The following TTLL11 variants were observed in gnomAD, a reference collection of about 807,000 sequenced individuals.
TTLL11 encodes tubulin polyglutamylase TTLL11.
In TTLL11, 42 loss-of-function variants were observed where a neutral mutation model predicts 51.7. The observed-to-expected ratio is 0.81, with a 90% CI of 0.64 to 1.05. The LOEUF is 1.05. Among genes scored for constraint, TTLL11 ranks in the 50% least tolerant of loss-of-function variants. The probability of loss-of-function intolerance (pLI) is 0.00; values close to 1 mark genes in which losing one functional copy is unlikely to be tolerated. For synonymous variants in TTLL11, 381 were observed against 383.5 expected (o/e 0.99, Z 0.08); for missense variants, 799 against 940.4 (o/e 0.85, Z 1.97).
chr9:121,853,384 GC>G lies in TTLL11; in HGVS notation c.1840+6952del, dbSNP rs978338991. 2.3e-4 allele frequency among the ~76,000 whole-genome samples: 35 copies of G among 151,642 alleles called. 1 individual carries two copies. Among genetic ancestry groups the G allele is most frequent in the Admixed American group, 2.0e-3 (31 of 15,250 alleles). ...TGCGGAGCAGGTGAGACGGTACTGGGCCCAGCCTGAGCACTGGGGGAGGCTC... is the reference window on the plus strand; with the variant it reads ...TGCGGAGCAGGTGAGACGGTACTGGGCCAGCCTGAGCACTGGGGGAGGCTC... On this transcript the variant is annotated intron_variant, in intron 8 of 8. Coordinates refer to ENST00000321582, the MANE Select transcript of TTLL11 (RefSeq NM_001139442.2). This position sits in a 1 kb window ranked among gnomAD's most constrained non-coding sequence, Gnocchi z 5.6.
chr9:121,870,502 G>A lies in TTLL11; in HGVS notation c.1728C>T (p.Phe576=). 3 of 1,551,494 alleles carry A rather than the reference G, an allele frequency of 1.9e-6. No individual in the cohort carries two copies. The highest frequency in any genetic ancestry group is 2.6e-6 in the Non-Finnish European group (3 of 1,146,906). ...MKLGPTGFRT[F]IRSCKLSSSS... ...AGGGGGCTGTTCTCACTGACCTTAT[G>A]AAGGTACGAAAGCCTGTTGGCCCCA... The change falls in exon 7 of 9, where the codon TTC becomes TTT. Residue 576 remains phenylalanine (F), a synonymous_variant. Transcript: ENST00000321582.
At chr9:121,878,530 T>TTGC (rs1838654665) in intron 6 of TTLL11, among the ~76,000 whole-genome samples, 1 of 152,062 alleles carries the variant, frequency 6.6e-6, no homozygotes, top group South Asian at 2.1e-4. Context: ...AGGCCTGGGG[T>TTGC]TGCTGCAGGC....
chr9:121,825,117 T>G (rs1588049226), intron 8 of TTLL11, among the ~76,000 whole-genome samples: 1 of 152,108 alleles, frequency 6.6e-6, no homozygotes, highest in East Asian at 1.9e-4. Flanking sequence ...CACAGGGGAG[T>G]AGGAGCCTTG....
chr9:122,022,253 A>C (rs1359499659), intron 3 of TTLL11, among the ~76,000 whole-genome samples: 1 of 152,166 alleles, frequency 6.6e-6, no homozygotes, highest in East Asian at 1.9e-4. Flanking sequence ...TATTAAAATT[A>C]TAAACCCACA....
At chr9:121,857,602 T>C (rs1184120751) in intron 8 of TTLL11, among the ~76,000 whole-genome samples, 3 of 152,210 alleles carry the variant, frequency 2.0e-5, no homozygotes, top group African/African-American at 7.2e-5. Flanking sequence ...CTATTCCACC[T>C]AGTCAGGGGC....
At chr9:122,029,037 T>C (rs2131801286) in intron 3 of TTLL11, among the ~76,000 whole-genome samples, 1 of 152,288 alleles carries the variant, frequency 6.6e-6, no homozygotes, top group South Asian at 2.1e-4. Context: ...AGAAAGAAAT[T>C]TGTTTTAAGA....
chr9:121,961,893 TA>T (rs1842238336), intron 6 of TTLL11, among the ~76,000 whole-genome samples: 1 of 152,028 alleles, frequency 6.6e-6, no homozygotes, highest in Non-Finnish European at 1.5e-5. Context: ...CCGTCTCTAC[TA>T]AAAATACAAA....
intron 8 of TTLL11, among the ~76,000 whole-genome samples, chr9:121,854,147 C>T (rs775149323): frequency 1.1e-4 from 16 of 152,256 alleles, no homozygotes; most frequent in South Asian, 4.2e-4. Context: ...AGTGACCAAG[C>T]GCAGATTGAA....
intron 6 of TTLL11, among the ~76,000 whole-genome samples, chr9:121,879,769 C>A (rs1183033557): frequency 5.8e-4 from 8 of 13,818 alleles, no homozygotes; most frequent in Admixed American, 8.5e-4. Context: ...GAATCTAGAC[C>A]AGGCTGGGCA....
Position 121,844,295 on chromosome 9 carries a change from G to GA in TTLL11, c.1840+16041dup, listed in dbSNP as rs372484550. 2.9e-3 allele frequency among the ~76,000 whole-genome samples: 430 copies of GA among 148,832 alleles called. 3 individuals are homozygous for GA. Among genetic ancestry groups the GA allele is most frequent in the South Asian group, 6.9e-3 (32 of 4,614 alleles). On this transcript the variant is annotated intron_variant, in intron 8 of 8. Coordinates refer to ENST00000321582, the MANE Select transcript of TTLL11 (RefSeq NM_001139442.2). ...AGGAAATACGAAGGCAATAGGGAGA[G>GA]AAAAAAAAACAAAACAAAAAAAACA...
intron 7 of TTLL11, among the ~76,000 whole-genome samples, chr9:121,865,263 C>T (rs1417013307): frequency 1.3e-5 from 2 of 152,078 alleles, no homozygotes; most frequent in Admixed American, 6.5e-5. Context: ...CCCCCCGCAG[C>T]TACCCATTAC....
At chr9:122,040,532 G>T in intron 1 of TTLL11, 1 of 480,456 alleles carries the variant, frequency 2.1e-6, no homozygotes, top group South Asian at 8.9e-5. Flanking sequence ...GAATTTGCTT[G>T]TTAAAAGTGC....
chr9:121,933,225 C>T (rs1048435783), intron 6 of TTLL11, among the ~76,000 whole-genome samples: 9 of 151,978 alleles, frequency 5.9e-5, no homozygotes, highest in Non-Finnish European at 1.2e-4. Context: ...ATGGAGCCTA[C>T]GGAAGGGAGA....
At chr9:122,079,845 G>C (rs991644640) in intron 1 of TTLL11, among the ~76,000 whole-genome samples, 13 of 151,938 alleles carry the variant, frequency 8.6e-5, no homozygotes, top group Non-Finnish European at 1.8e-4. Context: ...GGTCAAGGAT[G>C]AGCCAGGCAC....
At chr9:122,032,911 C>A (rs893283102) in intron 2 of TTLL11, among the ~76,000 whole-genome samples, 1 of 151,658 alleles carries the variant, frequency 6.6e-6, no homozygotes, top group Admixed American at 6.6e-5. Flanking sequence ...CCTCCCACCT[C>A]AGCCTCTCGA....
intron 1 of TTLL11, among the ~76,000 whole-genome samples, chr9:122,040,156 C>A (rs900861179): frequency 2.0e-5 from 3 of 152,074 alleles, no homozygotes; most frequent in Admixed American, 6.6e-5. Flanking sequence ...TGCACAGGAG[C>A]AGAGACAGCC....
chr9:122,067,988 T>C (rs1409960599), intron 1 of TTLL11, among the ~76,000 whole-genome samples: 1 of 152,214 alleles, frequency 6.6e-6, no homozygotes, highest in Non-Finnish European at 1.5e-5. Context: ...CCTACGATAT[T>C]CTTACACAAG....
In TTLL11 at chr9:121,989,812, C is replaced by T; in HGVS notation, c.694-42G>A. 6.5e-7 allele frequency: 1 copy of T among 1,547,248 alleles called. No homozygotes were observed. Among genetic ancestry groups the T allele is most frequent in the Non-Finnish European group, 8.7e-7 (1 of 1,149,312 alleles). On this transcript the variant is annotated intron_variant, in intron 3 of 8. Coordinates refer to ENST00000321582, the MANE Select transcript of TTLL11 (RefSeq NM_001139442.2). This position sits in a 1 kb window ranked among gnomAD's most constrained non-coding sequence, Gnocchi z 4.2. ...GGATGGCCGACATTATATTGTTTTCCCTCTGGATCCCTAACACAGAGCAAG... is the reference window on the plus strand; with the variant it reads ...GGATGGCCGACATTATATTGTTTTCTCTCTGGATCCCTAACACAGAGCAAG...
At chr9:121,855,750 C>T (rs7032404) in intron 8 of TTLL11, among the ~76,000 whole-genome samples, 2,444 of 152,280 alleles carry the variant, frequency 0.016, 73 homozygotes, top group African/African-American at 0.056. Flanking sequence ...TTTATTTTTG[C>T]ATTTGTCTGC....
Sources: allele counts gnomAD v4.1 joint callset (sites outside exome capture counted in the v4.1 genomes callset), GRCh38; gene constraint gnomAD v4.1.1; non-coding constraint Gnocchi (gnomAD v3.1); transcripts MANE v1.5; gene names NCBI Gene and HGNC (gene_info 2026-07-23, HGNC 2026-07-21).